Variants in NPTN observed in about 807,000 individuals in gnomAD.
NPTN encodes SDR-1.
NPTN carries 5 observed loss-of-function variants against 42.7 expected under a neutral mutation model. The observed-to-expected ratio is 0.12, with a 90% CI of 0.06 to 0.25. NPTN has a LOEUF of 0.25. Among genes scored for constraint, NPTN ranks in the 10% least tolerant of loss-of-function variants. NPTN has a pLI of 1.00. For missense variants in NPTN, 307 were observed against 525.4 expected (o/e 0.58, Z 4.06); for synonymous variants, 180 against 201.9 (o/e 0.89, Z 0.92).
chr15:73,629,079 C>T (rs78991692), intron 1 of NPTN, among the ~76,000 whole-genome samples: 7,721 of 152,238 alleles, frequency 0.051, 210 homozygotes, highest in South Asian at 0.093. Context: ...GTATCTCTTT[C>T]TAATTTGGAT....
intron 6 of NPTN, chr15:73,567,520 G>A: frequency 1.0e-6 from 1 of 985,370 alleles, no homozygotes; most frequent in Non-Finnish European, 1.2e-6. Context: ...GAAGGAAGCA[G>A]ACAGGTAAGT....
intron 4 of NPTN, among the ~76,000 whole-genome samples, chr15:73,586,673 T>C (rs113170256): frequency 6.6e-6 from 1 of 152,216 alleles, no homozygotes; most frequent in Non-Finnish European, 1.5e-5. Flanking sequence ...CTTCCAGGGA[T>C]AACTCTATGG....
intron 4 of NPTN, among the ~76,000 whole-genome samples, chr15:73,580,905 A>T (rs889068169): frequency 8.5e-5 from 13 of 152,158 alleles, no homozygotes; most frequent in African/African-American, 2.4e-4. Context: ...CCCAGGGCAG[A>T]TCACGTCAAA....
intron 1 of NPTN, among the ~76,000 whole-genome samples, chr15:73,619,382 G>GAA (rs1334188502): frequency 1.3e-5 from 2 of 152,128 alleles, no homozygotes; most frequent in Admixed American, 1.3e-4. Context: ...AAAACTGGAA[G>GAA]AAAATAATAT....
In NPTN at chr15:73,569,669, C is replaced by T. The variant is rs997613582; in HGVS notation, c.1114+481G>A. ...AGTCTGACTGGGCTGGGGCAGTTAC[C>T]TACAGGGGCTACACCAGGCAACCAT... is the stretch of plus-strand genomic sequence containing the variant. On this transcript the variant is annotated intron_variant, in intron 6 of 8. Transcript: ENST00000345330. This position sits in a 1 kb window ranked among gnomAD's most constrained non-coding sequence, Gnocchi z 4.1. 3.0e-6 allele frequency: 3 copies of T among 985,336 alleles called. No homozygotes were observed. The highest frequency in any genetic ancestry group is 2.3e-4 in the East Asian group (2 of 8,824). 61.0% of individuals were successfully genotyped at this position (985,336 alleles called of 1,614,324 possible).
At chr15:73,626,800 T>C (rs935950272) in intron 1 of NPTN, among the ~76,000 whole-genome samples, 1 of 152,236 alleles carries the variant, frequency 6.6e-6, no homozygotes, top group African/African-American at 2.4e-5. Context: ...TTTCTAATTA[T>C]AGAAACTTAC....
At chr15:73,628,788 A>C (rs1302365556) in intron 1 of NPTN, among the ~76,000 whole-genome samples, 1 of 151,968 alleles carries the variant, frequency 6.6e-6, no homozygotes, top group Non-Finnish European at 1.5e-5. Flanking sequence ...CTTTATTTTA[A>C]AGTTAAAATA....
Position 73,570,543 on chromosome 15 carries a change from G to T in NPTN, c.841-120C>A. 1.2e-6 allele frequency: 1 copy of T among 845,686 alleles called. No individual in the cohort carries two copies. Among genetic ancestry groups the T allele is most frequent in the Non-Finnish European group, 1.8e-6 (1 of 541,744 alleles). 52.4% of individuals were successfully genotyped at this position (845,686 alleles called of 1,614,324 possible). ...GCCAGAATGAGGAAGCAGTGTCTAGGAACATTTCATTAATGATTTCCCTTC... is the reference window on the plus strand; with the variant it reads ...GCCAGAATGAGGAAGCAGTGTCTAGTAACATTTCATTAATGATTTCCCTTC... On this transcript the variant is annotated intron_variant, in intron 5 of 8. Transcript: ENST00000345330. This position sits in a 1 kb window ranked among gnomAD's most constrained non-coding sequence, Gnocchi z 4.0.
intron 2 of NPTN, among the ~76,000 whole-genome samples, chr15:73,595,790 C>T (rs1267470505): frequency 6.6e-6 from 1 of 152,156 alleles, no homozygotes; most frequent in Non-Finnish European, 1.5e-5. Context: ...TGGCCAGGAA[C>T]GTTGGTTCTG....
chr15:73,618,601 T>G (rs1282910370), intron 1 of NPTN, among the ~76,000 whole-genome samples: 1 of 152,084 alleles, frequency 6.6e-6, no homozygotes, highest in East Asian at 1.9e-4. Flanking sequence ...ACAGGCTGGG[T>G]GCAGTGGCTC....
In NPTN at chr15:73,569,063, C is replaced by T. The variant is rs966920129; in HGVS notation, c.1114+1087G>A. On this transcript the variant is annotated intron_variant, in intron 6 of 8. Coordinates refer to ENST00000345330, the MANE Select transcript of NPTN (RefSeq NM_012428.4). This position sits in a 1 kb window ranked among gnomAD's most constrained non-coding sequence, Gnocchi z 4.1. ...ACCACAGGTGCACAAACACAGGCCC[C>T]AGAACAGCTGGACTACAGCTGGCAA... The T allele has an allele frequency of 1.0e-6, 1 of 985,540 alleles. No homozygotes were observed. The highest frequency in any genetic ancestry group is 1.7e-5 in the African/African-American group (1 of 57,224). The allele number at this position is 985,540 out of a possible 1,614,324, so 61.0% of individuals were successfully genotyped here. A position where few individuals can be genotyped will look rare whatever the true frequency, so the allele number is the denominator to read the frequency against.
intron 1 of NPTN, among the ~76,000 whole-genome samples, chr15:73,600,948 G>A (rs1897059015): frequency 6.6e-6 from 1 of 152,190 alleles, no homozygotes; most frequent in African/African-American, 2.4e-5. Context: ...TGGCTTCAGA[G>A]AAGGAAGGAA....
intron 1 of NPTN, among the ~76,000 whole-genome samples, chr15:73,608,783 T>C (rs1021936175): frequency 1.3e-5 from 2 of 152,140 alleles, no homozygotes; most frequent in East Asian, 3.8e-4. Flanking sequence ...GCTGTGGGAA[T>C]GGTGAGAAGG....
At chr15:73,587,781 A>T (rs1896390869) in intron 3 of NPTN, among the ~76,000 whole-genome samples, 163 bp from the exon 4 acceptor site, 2 of 152,186 alleles carry the variant, frequency 1.3e-5, no homozygotes, top group Non-Finnish European at 2.9e-5. Context: ...GCATCCTAAA[A>T]CATTAATGTC....
intron 1 of NPTN, among the ~76,000 whole-genome samples, chr15:73,603,492 C>T (rs1010315030): frequency 1.3e-5 from 2 of 152,142 alleles, no homozygotes; most frequent in Non-Finnish European, 2.9e-5. Flanking sequence ...TTCATTCCTT[C>T]CTATCTTTAG....
intron 1 of NPTN, among the ~76,000 whole-genome samples, chr15:73,623,652 A>G (rs1345261169): frequency 2.6e-5 from 4 of 152,238 alleles, no homozygotes; most frequent in Non-Finnish European, 5.9e-5. Flanking sequence ...ACGCCACTGC[A>G]TTCCAGCCTA....
Position 73,570,173 on chromosome 15 carries a change from T to C in NPTN, c.1091A>G (p.Lys364Arg), listed in dbSNP as rs748529307. The C allele has an allele frequency of 6.2e-6, 10 of 1,611,924 alleles. No individual in the cohort carries two copies. In the African/African-American group the frequency reaches 1.2e-4, roughly 19 times the overall value. ...VVIIVVYEKR[K>R]RPDEVPDDDE... ...ACCGTCAGGAACCTCATCTGGCCTC[T>C]TCCTCTTCTCATACACAACAATGAT... The change falls in exon 6 of 9, where the codon AAG becomes AGG. Residue 364 changes from lysine (K) to arginine (R), a missense_variant. Around this residue, in one of 2 missense-constraint regions of NPTN, gnomAD observed 264 missense variants for 491.1 expected, o/e 0.54. Transcript: ENST00000345330. The surrounding 1 kb of genome is among the most constrained non-coding windows in gnomAD (Gnocchi z 4.0).
chr15:73,585,979 G>A (rs757103751), intron 4 of NPTN, among the ~76,000 whole-genome samples: 10 of 152,156 alleles, frequency 6.6e-5, no homozygotes, highest in Non-Finnish European at 4.4e-5. Context: ...CCCCACCTTC[G>A]TAAGCAGCCA....
chr15:73,572,552 C>A (rs554716809), intron 5 of NPTN, among the ~76,000 whole-genome samples: 2 of 152,152 alleles, frequency 1.3e-5, no homozygotes, highest in South Asian at 4.1e-4. Flanking sequence ...GCCCCGATTC[C>A]TTATCAGTAT....
Sources: gnomAD v4.1 joint callset for allele counts (sites outside exome capture counted in the v4.1 genomes callset) on GRCh38, gnomAD v4.1.1 for gene constraint, gnomAD v4.1.1 regional missense constraint, Gnocchi (gnomAD v3.1) non-coding constraint, MANE v1.5 for transcripts, NCBI Gene and HGNC (gene_info 2026-07-23, HGNC 2026-07-21) for gene names.